ZBTB24: variants seen among roughly 807,000 people sequenced by gnomAD.
The protein encoded by ZBTB24 is zinc finger and BTB domain-containing protein 24.
Under a neutral mutation model 53.8 loss-of-function variants are expected in ZBTB24, and 32 were observed. That is an observed-to-expected ratio of 0.60 (90% CI 0.45 to 0.80). The LOEUF (loss-of-function observed/expected upper bound fraction) is 0.80, where lower values mean the gene tolerates loss of function less well. Among genes scored for constraint, ZBTB24 ranks in the 30% least tolerant of loss-of-function variants. The probability of loss-of-function intolerance (pLI) is 0.00; values close to 1 mark genes in which losing one functional copy is unlikely to be tolerated. For synonymous variants in ZBTB24, 297 were observed against 306.7 expected (o/e 0.97, Z 0.33); for missense variants, 722 against 837.1 (o/e 0.86, Z 1.70).
rs1230620577 is a variant in ZBTB24 at position 109,466,037 on chromosome 6, G to A, written c.1908C>T (p.His636=). The change falls in exon 7 of 7, where the codon CAC becomes CAT. Residue 636 remains histidine (H), a synonymous_variant. Transcript: ENST00000230122. ...QMGPSQTEPV[H]VITLSKETLE... is the part of the protein sequence containing the mutation. ...GTGTTTCCTTGGACAGAGTGATCAC[G>A]TGCACTGGCTCTGTTTGTGAGGGCC... is the stretch of plus-strand genomic sequence containing the variant. 2.5e-6 allele frequency: 4 copies of A among 1,614,180 alleles called. No individual in the cohort carries two copies. Among genetic ancestry groups the A allele is most frequent in the Admixed American group, 1.7e-5 (1 of 60,030 alleles).
chr6:109,470,092 G>GAGGTGGC (rs1266806071), intron 5 of ZBTB24, among the ~76,000 whole-genome samples: 1 of 152,238 alleles, frequency 6.6e-6, no homozygotes, highest in African/African-American at 2.4e-5. Flanking sequence ...CCTGGACCAG[G>GAGGTGGC]AGGTGGCAGG....
chr6:109,466,349 C>T lies in ZBTB24; in HGVS notation c.1596G>A (p.Glu532=). Reference sequence around the variant, plus strand: ...GCTGTAGCTGAAGAATATTCCTGACCTCTTCTGTATTACTACTGCCAGAAA... The same window carrying T: ...GCTGTAGCTGAAGAATATTCCTGACTTCTTCTGTATTACTACTGCCAGAAA... ...SSISGSSNTE[E]VRNILQLQPY... The change falls in exon 7 of 7, where the codon GAG becomes GAA. Residue 532 remains glutamate (E), a synonymous_variant. Coordinates refer to ENST00000230122, the MANE Select transcript of ZBTB24 (RefSeq NM_014797.3). The T allele has an allele frequency of 6.2e-7, 1 of 1,614,208 alleles. No homozygotes were observed. The highest frequency in any genetic ancestry group is 2.2e-5 in the East Asian group (1 of 44,880).
chr6:109,467,588 T>G, intron 6 of ZBTB24, 65 bp downstream of exon 6: 1 of 1,612,714 alleles, frequency 6.2e-7, no homozygotes, highest in Non-Finnish European at 8.5e-7. Flanking sequence ...GTAACACATG[T>G]CACCTCACTG....
chr6:109,483,034 G>A (rs1390158261), intron 1 of ZBTB24, 64 bp downstream of exon 1: 1 of 152,178 alleles, frequency 6.6e-6, no homozygotes, highest in Non-Finnish European at 1.5e-5. Context: ...GGCGGGGGAG[G>A]GGTCGGCGCG....
At position 109,475,410 on chromosome 6, in the gene ZBTB24, C is replaced by T. The variant is rs1234245920; in HGVS notation, c.1277G>A (p.Arg426Gln). ...AGATGGAGTTTTACCTGTGTGTGTTCGCAGATGTTTCTTTAGCTGAGACAC... is the reference window on the plus strand; with the variant it reads ...AGATGGAGTTTTACCTGTGTGTGTTTGCAGATGTTTCTTTAGCTGAGACAC... ...MDVSQLKKHL[R>Q]THTGEKPFTC... The change falls in exon 5 of 7, where the codon CGA becomes CAA. Residue 426 changes from arginine to glutamine, a missense_variant. Transcript: ENST00000230122. 4 of 1,614,104 alleles carry T rather than the reference C, an allele frequency of 2.5e-6. No homozygotes were observed. Among genetic ancestry groups the T allele is most frequent in the East Asian group, 2.2e-5 (1 of 44,880 alleles).
At chr6:109,473,000 C>T (rs911414938) in intron 5 of ZBTB24, among the ~76,000 whole-genome samples, 1 of 152,326 alleles carries the variant, frequency 6.6e-6, no homozygotes, top group African/African-American at 2.4e-5. Flanking sequence ...GCCCCCACCT[C>T]ACAGGGTGGC....
rs145894539 is a variant in ZBTB24 at position 109,466,052 on chromosome 6, T to C, written c.1893A>G (p.Gln631=). ...GAGTGATCACGTGCACTGGCTCTGT[T>C]TGTGAGGGCCCCATCTGGCTTTCAA... ...NMIESQMGPS[Q]TEPVHVITLS... is the part of the protein sequence containing the mutation. Residue 631 remains glutamine (Q), a synonymous_variant, in exon 7 of 7, where the codon CAA becomes CAG. Transcript: ENST00000230122. The C allele has an allele frequency of 5.6e-6, 9 of 1,614,098 alleles. No homozygotes were observed. The highest frequency in any genetic ancestry group is 1.6e-4 in the Middle Eastern group (1 of 6,084).
intron 5 of ZBTB24, among the ~76,000 whole-genome samples, chr6:109,474,429 C>T (rs1776235907): frequency 6.6e-6 from 1 of 151,866 alleles, no homozygotes; most frequent in Non-Finnish European, 1.5e-5. Flanking sequence ...ATTTGGCTGT[C>T]TTTTCTAAAA....
At position 109,475,768 on chromosome 6, in the gene ZBTB24, A is replaced by G. The variant is rs75876420; in HGVS notation, c.1205-286T>C. On this transcript the variant is annotated intron_variant, in intron 4 of 6. Transcript: ENST00000230122. The stretch of plus-strand genomic sequence containing the variant: ...ACAAATGACCTCAAATGACACTCGT[A>G]ACCCACATTCATTTCTTATCAGTTG... Among the ~76,000 whole-genome samples the G allele has an allele frequency of 1.7e-3, 261 of 152,354 alleles. 1 individual carries two copies. The highest frequency in any genetic ancestry group is 5.9e-3 in the African/African-American group (247 of 41,574).
intron 5 of ZBTB24, among the ~76,000 whole-genome samples, chr6:109,474,870 T>C (rs1420062339): frequency 3.3e-5 from 5 of 151,734 alleles, no homozygotes; most frequent in Non-Finnish European, 5.9e-5. Flanking sequence ...GGGACCCATC[T>C]CTACAAAAAT....
chr6:109,483,127 GGCCCGCTGGCCCTCCGCTCCGCCCC>G lies in ZBTB24; in HGVS notation c.-83_-59del, dbSNP rs1776473091. ...CGGCCTGGCGGGAGACCCACGCCGG[GGCCCGCTGGCCCTCCGCTCCGCCCC>G]GCCCGCCTCTGGGGCTTCTGCGCCG... is the stretch of plus-strand genomic sequence containing the variant. On this transcript the variant is annotated 5_prime_UTR_variant, in exon 1 of 7. Transcript: ENST00000230122. 1 of 152,172 alleles carries G rather than the reference GGCCCGCTGGCCCTCCGCTCCGCCCC, an allele frequency of 6.6e-6. No homozygotes were observed. The highest frequency in any genetic ancestry group is 6.6e-5 in the Admixed American group (1 of 15,266). 9.4% of individuals were successfully genotyped at this position (152,172 alleles called of 1,614,324 possible).
intron 5 of ZBTB24, among the ~76,000 whole-genome samples, chr6:109,471,826 T>C (rs3799842): frequency 0.54 from 82,220 of 152,004 alleles, 23,365 homozygotes; most frequent in African/African-American, 0.73. Flanking sequence ...TTTGGCTTGA[T>C]TGGGTCCCTG....
Position 109,480,223 on chromosome 6 carries a change from A to C in ZBTB24, c.952+852T>G, listed in dbSNP as rs1457676957. Among the ~76,000 whole-genome samples, 7 of 152,288 alleles carry C rather than the reference A, an allele frequency of 4.6e-5. No homozygotes were observed. The South Asian group carries it at 1.2e-3, about 27-fold the overall frequency. ...GACTTAAGCCCCAGTCCCTATACTT[A>C]AGATTACAATTAAGTTGAGGGATAT... On this transcript the variant is annotated intron_variant, in intron 2 of 6. Coordinates refer to ENST00000230122, the MANE Select transcript of ZBTB24 (RefSeq NM_014797.3).
In ZBTB24 at chr6:109,464,812, A is replaced by C. The variant is rs764827718; in HGVS notation, c.*1039T>G. 1 of 152,202 alleles carries C rather than the reference A, an allele frequency of 6.6e-6. No homozygotes were observed. Among genetic ancestry groups the C allele is most frequent in the Non-Finnish European group, 1.5e-5 (1 of 68,034 alleles). The allele number at this position is 152,202 out of a possible 1,614,324, so 9.4% of individuals were successfully genotyped here. A position where few individuals can be genotyped will look rare whatever the true frequency, so the allele number is the denominator to read the frequency against. On this transcript the variant is annotated 3_prime_UTR_variant, in exon 7 of 7. Coordinates refer to ENST00000230122, the MANE Select transcript of ZBTB24 (RefSeq NM_014797.3). ...TACAGTGAGACCCTGTCTCTAAAAA[A>C]GGAAAGATTAGGAGAAGATATTCAC... is the stretch of plus-strand genomic sequence containing the variant.
chr6:109,473,465 C>T (rs1776211102), intron 5 of ZBTB24, among the ~76,000 whole-genome samples: 1 of 152,224 alleles, frequency 6.6e-6, no homozygotes, highest in African/African-American at 2.4e-5. Flanking sequence ...TTCTCATCTC[C>T]ATCCAAGATG....
At chr6:109,472,073 T>A (rs73762759) in intron 5 of ZBTB24, among the ~76,000 whole-genome samples, 2 of 152,126 alleles carry the variant, frequency 1.3e-5, no homozygotes, top group Non-Finnish European at 2.9e-5. Flanking sequence ...ATCTAAGAGA[T>A]GAATGACAGC....
At chr6:109,466,640 G>C in intron 6 of ZBTB24, 66 bp from the exon 7 acceptor site, 2 of 1,586,128 alleles carry the variant, frequency 1.3e-6, no homozygotes, top group East Asian at 4.5e-5. Context: ...TGATTATTTA[G>C]GGGGAAGCAA....
intron 5 of ZBTB24, among the ~76,000 whole-genome samples, chr6:109,471,847 C>T (rs559825454): frequency 2.0e-5 from 3 of 152,264 alleles, no homozygotes; most frequent in African/African-American, 7.2e-5. Context: ...TAAACCTGAC[C>T]AGTGCCAGGT....
intron 6 of ZBTB24, 115 bp downstream of exon 6, chr6:109,467,538 C>A: frequency 6.3e-7 from 1 of 1,575,652 alleles, no homozygotes; most frequent in Non-Finnish European, 8.6e-7. Flanking sequence ...AAACTGCACA[C>A]AAAATTCTGC....
Sources: allele counts gnomAD v4.1 joint callset (sites outside exome capture counted in the v4.1 genomes callset), GRCh38; gene constraint gnomAD v4.1.1; transcripts MANE v1.5; gene names NCBI Gene and HGNC (gene_info 2026-07-23, HGNC 2026-07-21).